The following NT5C2 variants were observed in gnomAD, a reference collection of about 807,000 sequenced individuals.
NT5C2 encodes cytosolic purine 5'-nucleotidase.
Under a neutral mutation model 76.1 loss-of-function variants are expected in NT5C2, and 58 were observed. The observed-to-expected ratio is 0.76, with a 90% CI of 0.62 to 0.95. The LOEUF (loss-of-function observed/expected upper bound fraction) is 0.95. Ranked by LOEUF, NT5C2 falls within the 40% of genes least tolerant of loss-of-function variation. The probability of loss-of-function intolerance (pLI) is 0.00; values close to 1 mark genes in which losing one functional copy is unlikely to be tolerated. For synonymous variants in NT5C2, 229 were observed against 237.4 expected, an observed-to-expected ratio of 0.96 and a Z score of 0.32; for missense variants, 478 against 690.3, an observed-to-expected ratio of 0.69 and a Z score of 3.45.
At chr10:103,090,549 A>G in intron 18 of NT5C2, 62 bp downstream of exon 18, 1 of 1,445,420 alleles carries the variant, frequency 6.9e-7, no homozygotes, top group Non-Finnish European at 9.5e-7. Context: ...CCATCTCACA[A>G]AGGTGGTTGC....
chr10:103,178,540 C>T (rs2090449052), intron 2 of NT5C2, among the ~76,000 whole-genome samples: 1 of 151,576 alleles, frequency 6.6e-6, no homozygotes, highest in East Asian at 1.9e-4. Flanking sequence ...TGCGCTCCAG[C>T]CTCAGTGACA....
In NT5C2 at chr10:103,183,262, G is replaced by GATATATATATATATATATATAT. The variant is rs201371414; in HGVS notation, c.-168-1956_-168-1935dup. 1.5e-3 allele frequency among the ~76,000 whole-genome samples: 113 copies of GATATATATATATATATATATAT among 73,358 alleles called. 4 individuals carry two copies. Among genetic ancestry groups the GATATATATATATATATATATAT allele is most frequent in the African/African-American group, 4.8e-3 (74 of 15,322 alleles). 48.1% of individuals were successfully genotyped at this position (73,358 alleles called of 152,430 possible). ...GAGATATATATATATGTGTGTGTGT[G>GATATATATATATATATATATAT]ATATATATATATATATATATATATA... On this transcript the variant is annotated intron_variant, in intron 1 of 18. Coordinates refer to ENST00000404739, the MANE Select transcript of NT5C2 (RefSeq NM_001351169.2).
chr10:103,139,411 A>T lies in NT5C2; in HGVS notation c.170T>A (p.Leu57His). Residue 57 changes from leucine to histidine, a missense_variant, in exon 4 of 19, where the codon CTT becomes CAT. Leu to His is a moderately conservative substitution (Grantham distance 99, BLOSUM62 -3). Transcript: ENST00000404739. The stretch of plus-strand genomic sequence containing the variant: ...AATCAGAAATTGCTACTCACCAGCA[A>T]GGGTATAATCCATATCAAAACCAAA... ...KCFGFDMDYT[L>H]AVYKSPEYES... 6.3e-7 allele frequency: 1 copy of T among 1,575,612 alleles called. No homozygotes were observed. The highest frequency in any genetic ancestry group is 2.3e-5 in the East Asian group (1 of 43,254).
chr10:103,156,733 C>A (rs1212406501), intron 3 of NT5C2, among the ~76,000 whole-genome samples: 1 of 142,844 alleles, frequency 7.0e-6, no homozygotes, highest in African/African-American at 2.6e-5. Flanking sequence ...CCAGCCTGGG[C>A]AACAAGAGCG....
At chr10:103,101,686 G>A (rs1284331214) in intron 6 of NT5C2, among the ~76,000 whole-genome samples, 1 of 151,876 alleles carries the variant, frequency 6.6e-6, no homozygotes, top group Non-Finnish European at 1.5e-5. Flanking sequence ...GGTGGGCGAG[G>A]TGGGTCACAT....
chr10:103,160,874 G>A (rs769970175), intron 3 of NT5C2, among the ~76,000 whole-genome samples: 8 of 152,094 alleles, frequency 5.3e-5, no homozygotes, highest in Non-Finnish European at 8.8e-5. Flanking sequence ...TTAGCTGTGC[G>A]TGGTGCATGC....
intron 1 of NT5C2, among the ~76,000 whole-genome samples, chr10:103,192,453 G>T (rs1157177791): frequency 3.9e-5 from 6 of 152,132 alleles, no homozygotes; most frequent in East Asian, 1.9e-4. Context: ...CCCCCAAAAC[G>T]TTTTTCTTAA....
intron 4 of NT5C2, among the ~76,000 whole-genome samples, chr10:103,130,144 C>T (rs2077830203): frequency 6.6e-6 from 1 of 151,730 alleles, no homozygotes; most frequent in Non-Finnish European, 1.5e-5. Flanking sequence ...ATTGAGAAAT[C>T]GGATGGTTAC....
rs543496254 is a variant in NT5C2 at position 103,178,514 on chromosome 10, G to A, written c.-25+2671C>T. Among the ~76,000 whole-genome samples, 6 of 151,984 alleles carry A rather than the reference G, an allele frequency of 3.9e-5. No individual in the cohort carries two copies. In the East Asian group the frequency reaches 1.2e-3, roughly 29 times the overall value. On this transcript the variant is annotated intron_variant, in intron 2 of 18. Coordinates refer to ENST00000404739, the MANE Select transcript of NT5C2 (RefSeq NM_001351169.2). Reference sequence around the variant, plus strand: ...CGGAGGTTGAAGCAGAGCTTGCAGTGAGCTGATTATGCCACTGCGCTCCAG... The same window carrying A: ...CGGAGGTTGAAGCAGAGCTTGCAGTAAGCTGATTATGCCACTGCGCTCCAG...
At chr10:103,159,860 G>A (rs2084376910) in intron 3 of NT5C2, among the ~76,000 whole-genome samples, 1 of 152,120 alleles carries the variant, frequency 6.6e-6, no homozygotes, top group Admixed American at 6.5e-5. Flanking sequence ...GAGAGTCAAT[G>A]TAATTCATAA....
intron 3 of NT5C2, among the ~76,000 whole-genome samples, chr10:103,172,673 T>C (rs534708375): frequency 6.6e-6 from 1 of 152,110 alleles, no homozygotes; most frequent in South Asian, 2.1e-4. Flanking sequence ...CCATCTCTAC[T>C]AAAATTACAA....
At chr10:103,189,978 G>A (rs373965767) in intron 1 of NT5C2, among the ~76,000 whole-genome samples, 10 of 146,054 alleles carry the variant, frequency 6.8e-5, no homozygotes, top group African/African-American at 1.0e-4. Flanking sequence ...CCGGTTTGCC[G>A]CATTAATTTT....
At chr10:103,181,879 T>A (rs751154570) in intron 1 of NT5C2, among the ~76,000 whole-genome samples, 10 of 151,786 alleles carry the variant, frequency 6.6e-5, no homozygotes, top group Admixed American at 2.0e-4. Flanking sequence ...TGGTGGCGTA[T>A]CCCTGTAGTC....
At chr10:103,144,192 G>A (rs1005612792) in intron 3 of NT5C2, among the ~76,000 whole-genome samples, 1 of 152,152 alleles carries the variant, frequency 6.6e-6, no homozygotes, top group Non-Finnish European at 1.5e-5. Context: ...TCAGGCTAGA[G>A]AGCCAACTGG....
chr10:103,113,763 AGAG>A (rs1268413697), intron 4 of NT5C2, among the ~76,000 whole-genome samples: 2 of 152,232 alleles, frequency 1.3e-5, no homozygotes, highest in Non-Finnish European at 1.5e-5. Flanking sequence ...AGAGACAAAA[AGAG>A]GACCAATCAA....
intron 4 of NT5C2, among the ~76,000 whole-genome samples, chr10:103,113,495 TA>T (rs201946787): frequency 0.094 from 14,292 of 151,988 alleles, 871 homozygotes; most frequent in East Asian, 0.28. Context: ...AAATAGCTAA[TA>T]TTTTTTTTTT....
At chr10:103,092,714 T>G (rs1041690892) in intron 15 of NT5C2, among the ~76,000 whole-genome samples, 2 of 151,824 alleles carry the variant, frequency 1.3e-5, no homozygotes, top group Admixed American at 1.3e-4. Flanking sequence ...CTCAGAAGAG[T>G]AAATAAAAAA....
chr10:103,141,013 T>A (rs375706282), intron 3 of NT5C2, among the ~76,000 whole-genome samples: 12 of 152,332 alleles, frequency 7.9e-5, no homozygotes, highest in African/African-American at 2.9e-4. Context: ...AGCTTTTTAG[T>A]TTGAGGTAGT....
At chr10:103,122,907 T>C (rs1193791373) in intron 4 of NT5C2, among the ~76,000 whole-genome samples, 1 of 152,208 alleles carries the variant, frequency 6.6e-6, no homozygotes, top group Non-Finnish European at 1.5e-5. Flanking sequence ...AATCCTGTCA[T>C]AGAAAACACA....
Sources: allele counts gnomAD v4.1 joint callset (sites outside exome capture counted in the v4.1 genomes callset), GRCh38; gene constraint gnomAD v4.1.1; transcripts MANE v1.5; gene names NCBI Gene and HGNC (gene_info 2026-07-23, HGNC 2026-07-21).